Variants in ALKBH5 observed in about 807,000 individuals in gnomAD.
ALKBH5 encodes the protein alkB homolog 5, RNA demethylase.
Under a neutral mutation model 32.1 loss-of-function variants are expected in ALKBH5, and 2 were observed. The observed-to-expected ratio is 0.06, with a 90% CI of 0.03 to 0.20. The LOEUF is 0.20. Ranked by LOEUF, ALKBH5 falls within the 10% of genes least tolerant of loss-of-function variation. The pLI, the probability that ALKBH5 is intolerant of heterozygous loss-of-function variation, is 1.00. For missense variants in ALKBH5, 352 were observed against 559.5 expected, an observed-to-expected ratio of 0.63 and a Z score of 3.74; for synonymous variants, 300 against 231.7, an observed-to-expected ratio of 1.29 and a Z score of -2.68.
At chr17:18,202,804 G>A (rs921214350) in intron 2 of ALKBH5, among the ~76,000 whole-genome samples, 19 of 151,842 alleles carry the variant, frequency 1.3e-4, no homozygotes, top group South Asian at 6.2e-4. Context: ...GGCCGGGCAC[G>A]ATGGCTCACG....
rs1214928957 is a variant in ALKBH5 at position 18,201,775 on chromosome 17, A to ATAGATAGATAGATAGATAGATAGG, written c.852-5029_852-5028insATAGATAGATAGGTAGATAGATAG. Among the ~76,000 whole-genome samples, 245 of 141,786 alleles carry ATAGATAGATAGATAGATAGATAGG rather than the reference A, an allele frequency of 1.7e-3. 2 individuals carry two copies. Among genetic ancestry groups the ATAGATAGATAGATAGATAGATAGG allele is most frequent in the East Asian group, 0.012 (50 of 4,230 alleles). 93.0% of individuals were successfully genotyped at this position (141,786 alleles called of 152,430 possible). A position where few individuals can be genotyped will look rare whatever the true frequency, so the allele number is the denominator to read the frequency against. ...GATAGATAGATAGATAGATAGATAG[A>ATAGATAGATAGATAGATAGATAGG]TAGATAGATAGGATAGATAAGATAG... On this transcript the variant is annotated intron_variant, in intron 2 of 3. Transcript: ENST00000399138.
rs2047270357 is a variant in ALKBH5 at position 18,206,644 on chromosome 17, G to A, written c.852-171G>A. The A allele has an allele frequency of 1.2e-5, 8 of 694,998 alleles. No homozygotes were observed. The South Asian group carries it at 1.5e-4, about 13-fold the overall frequency. 43.1% of individuals were successfully genotyped at this position (694,998 alleles called of 1,614,324 possible). ...GTGGACTTGAGGAGGGTCTTTGAAA[G>A]TCAGCTAGACCAATCTCTAGTTGAA... On this transcript the variant is annotated intron_variant, in intron 2 of 3. Coordinates refer to ENST00000399138, the MANE Select transcript of ALKBH5 (RefSeq NM_017758.4).
intron 1 of ALKBH5, among the ~76,000 whole-genome samples, chr17:18,190,349 A>C (rs2047166079): frequency 1.3e-5 from 2 of 152,192 alleles, no homozygotes; most frequent in Non-Finnish European, 2.9e-5. Flanking sequence ...CAGGAATTCA[A>C]GACAAGAATG....
intron 2 of ALKBH5, 32 bp from the exon 3 acceptor site, chr17:18,206,783 C>G: frequency 6.2e-7 from 1 of 1,608,688 alleles, no homozygotes; most frequent in South Asian, 1.1e-5. Context: ...ACCGGAGGCC[C>G]TTTGGTGACC....
intron 2 of ALKBH5, among the ~76,000 whole-genome samples, chr17:18,197,020 C>T (rs1341693173): frequency 2.0e-5 from 3 of 152,204 alleles, no homozygotes; most frequent in Admixed American, 6.5e-5. Flanking sequence ...ACTTTGGCAT[C>T]CTGGTCCTTT....
intron 2 of ALKBH5, among the ~76,000 whole-genome samples, chr17:18,203,513 C>T (rs368921607): frequency 2.0e-5 from 3 of 152,210 alleles, no homozygotes; most frequent in African/African-American, 4.8e-5. Flanking sequence ...GTCACATGCC[C>T]GAGGTGCTTT....
In ALKBH5 at chr17:18,184,475, AAGG is replaced by A. The variant is rs776137348; in HGVS notation, c.242_244del (p.Glu81del). The A allele has an allele frequency of 1.2e-5, 20 of 1,612,592 alleles. No homozygotes were observed. The Admixed American group carries it at 1.7e-4, about 13-fold the overall frequency. ...CGACTATGAGGAGCAGCAGCTGCAG[AAGG>A]AGGAGGAGGCGCGCAAGGTGAAGAG... On this transcript the variant is annotated inframe_deletion, in exon 1 of 4. Coordinates refer to ENST00000399138, the MANE Select transcript of ALKBH5 (RefSeq NM_017758.4).
intron 2 of ALKBH5, among the ~76,000 whole-genome samples, chr17:18,195,742 C>T (rs911015636): frequency 6.6e-6 from 1 of 152,194 alleles, no homozygotes; most frequent in Non-Finnish European, 1.5e-5. Flanking sequence ...GACTCAAGCT[C>T]TCTTCCTGCT....
At position 18,209,250 on chromosome 17, in the gene ALKBH5, C is replaced by T. The variant is rs920752874; in HGVS notation, c.*854C>T. ...GGGACTGGTGTCCTTCCAAGTCTAG[C>T]ATTTGGGGTATGGAAAATTGTTGTG... is the stretch of plus-strand genomic sequence containing the variant. On this transcript the variant is annotated 3_prime_UTR_variant, in exon 4 of 4. Transcript: ENST00000399138. The T allele has an allele frequency of 7.2e-5, 11 of 152,694 alleles. No homozygotes were observed. The highest frequency in any genetic ancestry group is 2.7e-4 in the African/African-American group (11 of 41,460). 9.5% of individuals were successfully genotyped at this position (152,694 alleles called of 1,614,324 possible). A position where few individuals can be genotyped will look rare whatever the true frequency, so the allele number is the denominator to read the frequency against.
Position 18,208,525 on chromosome 17 carries a change from A to C in ALKBH5, c.*129A>C. ...TGTTTTTTGTTTTTTTTGATTCTAT[A>C]TATTTTTCCTTGGTTTTGTTGCCTG... On this transcript the variant is annotated 3_prime_UTR_variant, in exon 4 of 4. Transcript: ENST00000399138. 2 of 1,139,708 alleles carry C rather than the reference A, an allele frequency of 1.8e-6. No homozygotes were observed. Among genetic ancestry groups the C allele is most frequent in the Non-Finnish European group, 2.5e-6 (2 of 788,724 alleles). The allele number at this position is 1,139,708 out of a possible 1,614,324, so 70.6% of individuals were successfully genotyped here.
Position 18,183,858 on chromosome 17 carries a change from A to T in ALKBH5, c.-386A>T, listed in dbSNP as rs1466072771. 1 of 341,292 alleles carries T rather than the reference A, an allele frequency of 2.9e-6. No individual in the cohort carries two copies. The highest frequency in any genetic ancestry group is 5.6e-6 in the Non-Finnish European group (1 of 179,486). 21.1% of individuals were successfully genotyped at this position (341,292 alleles called of 1,614,324 possible). ...GCCCGCTAAGGAGCGGCGCTGGCGGACGTCGGGCTGGCTGCCCGTGACGTC... is the reference window on the plus strand; with the variant it reads ...GCCCGCTAAGGAGCGGCGCTGGCGGTCGTCGGGCTGGCTGCCCGTGACGTC... On this transcript the variant is annotated 5_prime_UTR_variant, in exon 1 of 4. Coordinates refer to ENST00000399138, the MANE Select transcript of ALKBH5 (RefSeq NM_017758.4).
chr17:18,203,928 A>T (rs1009522906), intron 2 of ALKBH5, among the ~76,000 whole-genome samples: 7 of 152,158 alleles, frequency 4.6e-5, no homozygotes, highest in African/African-American at 1.4e-4. Context: ...ACAACTCCAG[A>T]GTGCCCCCAC....
chr17:18,190,039 T>G (rs1207480208), intron 1 of ALKBH5, among the ~76,000 whole-genome samples: 1 of 152,194 alleles, frequency 6.6e-6, no homozygotes, highest in Non-Finnish European at 1.5e-5. Context: ...ACCTTCTTGG[T>G]CCTGTGGGTC....
rs142135062 is a variant in ALKBH5, at chr17:18,208,488, GTTTTTGT to G, written c.*112_*118del. The G allele has an allele frequency of 0.33, 425,845 of 1,273,720 alleles. 83,143 individuals carry two copies. Among genetic ancestry groups the G allele is most frequent in the Non-Finnish European group, 0.36 (325,725 of 900,000 alleles). 78.9% of individuals were successfully genotyped at this position (1,273,720 alleles called of 1,614,324 possible). A position where few individuals can be genotyped will look rare whatever the true frequency, so the allele number is the denominator to read the frequency against. ...GGGTTTTGTTTTTGTTCATTGGGGG[GTTTTTGT>G]TTTTTGTTTTTTGTTTTTTTTGATT... On this transcript the variant is annotated 3_prime_UTR_variant, in exon 4 of 4. Coordinates refer to ENST00000399138, the MANE Select transcript of ALKBH5 (RefSeq NM_017758.4).
At chr17:18,185,744 A>G (rs867533017) in intron 1 of ALKBH5, among the ~76,000 whole-genome samples, 1 of 152,208 alleles carries the variant, frequency 6.6e-6, no homozygotes, top group South Asian at 2.1e-4. Flanking sequence ...CTTTTGGCCT[A>G]TATTCGGTTC....
At position 18,208,453 on chromosome 17, in the gene ALKBH5, T is replaced by C. The variant is rs1350625730; in HGVS notation, c.*57T>C. 6 of 1,589,058 alleles carry C rather than the reference T, an allele frequency of 3.8e-6. No homozygotes were observed. In the South Asian group the frequency reaches 6.8e-5, roughly 18 times the overall value. On this transcript the variant is annotated 3_prime_UTR_variant, in exon 4 of 4. Coordinates refer to ENST00000399138, the MANE Select transcript of ALKBH5 (RefSeq NM_017758.4). ...TCATCCTTACGTAGTTGCCCCTCCTTTTGTTTTGAGGGTTTTGTTTTTGTT... is the reference window on the plus strand; with the variant it reads ...TCATCCTTACGTAGTTGCCCCTCCTCTTGTTTTGAGGGTTTTGTTTTTGTT...
intron 3 of ALKBH5, among the ~76,000 whole-genome samples, chr17:18,207,345 G>A (rs1473126514): frequency 6.6e-6 from 1 of 150,386 alleles, no homozygotes; most frequent in Non-Finnish European, 1.5e-5. Context: ...AAAGGTATTT[G>A]AGGAGATAAT....
At chr17:18,201,059 A>G (rs1197340655) in intron 2 of ALKBH5, among the ~76,000 whole-genome samples, 2 of 152,292 alleles carry the variant, frequency 1.3e-5, no homozygotes, top group Admixed American at 6.5e-5. Flanking sequence ...AGCAATCTGA[A>G]TGTGAGGCTG....
rs1413869251 is a variant in ALKBH5 at position 18,209,059 on chromosome 17, T to C, written c.*663T>C. ...TCCACCCACGCCCACTAGCCTGCCA[T>C]GTCCACAGTTCCTTGGGCTGCTGAG... is the stretch of plus-strand genomic sequence containing the variant. On this transcript the variant is annotated 3_prime_UTR_variant, in exon 4 of 4. Transcript: ENST00000399138. The C allele has an allele frequency of 1.8e-5, 3 of 162,410 alleles. No individual in the cohort carries two copies. Among genetic ancestry groups the C allele is most frequent in the Non-Finnish European group, 4.1e-5 (3 of 73,732 alleles). 10.1% of individuals were successfully genotyped at this position (162,410 alleles called of 1,614,324 possible).
Sources: gnomAD v4.1 joint callset for allele counts (sites outside exome capture counted in the v4.1 genomes callset) on GRCh38, gnomAD v4.1.1 for gene constraint, MANE v1.5 for transcripts, NCBI Gene and HGNC (gene_info 2026-07-23, HGNC 2026-07-21) for gene names.